The following NHS variants were observed in gnomAD, a reference collection of about 807,000 sequenced individuals.
The protein encoded by NHS is actin remodeling regulator NHS.
Under a neutral mutation model 72.5 loss-of-function variants are expected in NHS, and 5 were observed. The ratio of observed to expected loss-of-function variants is 0.07; its 90% confidence interval spans 0.04 to 0.14. The LOEUF is 0.14. NHS is among the 10% of genes least tolerant of loss of function. The probability of loss-of-function intolerance (pLI) is 1.00; values close to 1 mark genes in which losing one functional copy is unlikely to be tolerated. For synonymous variants in NHS, 464 were observed against 547.7 expected (o/e 0.85, Z 2.13); for missense variants, 1,072 against 1,355.7 (o/e 0.79, Z 3.29).
chrX:17,392,324 C>T (rs1241766033), intron 1 of NHS, among the ~76,000 whole-genome samples: 1 of 111,992 alleles, frequency 8.9e-6, no homozygotes, highest in East Asian at 2.8e-4. Flanking sequence ...ATGTGAGGAA[C>T]AAGTAAACTT....
intron 1 of NHS, among the ~76,000 whole-genome samples, chrX:17,598,311 GC>G (rs2065634355): frequency 8.9e-6 from 1 of 112,200 alleles, no homozygotes; most frequent in East Asian, 2.8e-4. Flanking sequence ...GAATTAACTG[GC>G]CAGGCGCCAA....
intron 1 of NHS, among the ~76,000 whole-genome samples, chrX:17,581,402 G>T (rs192560659): frequency 0.031 from 3,462 of 111,199 alleles, 113 homozygotes; most frequent in African/African-American, 0.078. Context: ...GACTGGAGGT[G>T]GGGGAGCCAA....
intron 1 of NHS, among the ~76,000 whole-genome samples, chrX:17,423,051 G>T (rs1342528502): frequency 1.8e-5 from 2 of 111,936 alleles, no homozygotes; most frequent in African/African-American, 6.5e-5. Flanking sequence ...CCACAGTTTG[G>T]AACCATGCCT....
At chrX:17,491,204 G>A (rs915873221) in intron 1 of NHS, among the ~76,000 whole-genome samples, 5 of 111,326 alleles carry the variant, frequency 4.5e-5, no homozygotes, top group South Asian at 3.8e-4. Context: ...GTCTTGGGCC[G>A]CTTTTCAAAG....
Position 17,677,425 on chromosome X carries a change from G to GAT in NHS, c.566-10304_566-10303dup, listed in dbSNP as rs767814726. On this transcript the variant is annotated intron_variant, in intron 1 of 8. Transcript: ENST00000676302. ...TGTTTTTAAAAGGATGTACCTTGCTGATATATATATATATCAAACACTAGG... is the reference window on the plus strand; with the variant it reads ...TGTTTTTAAAAGGATGTACCTTGCTGATATATATATATATATCAAACACTAGG... 6.1e-3 allele frequency among the ~76,000 whole-genome samples: 674 copies of GAT among 110,169 alleles called. 2 individuals carry two copies. The highest frequency in any genetic ancestry group is 0.02 in the African/African-American group (613 of 30,321).
rs1018326336 is a variant in NHS, at chrX:17,691,034, T to C, written c.719-1301T>C. On this transcript the variant is annotated intron_variant, in intron 2 of 8. Transcript: ENST00000676302. ...GCAGTTTCAGGCTGTAGTGGACTAATGTTCTCCCTACCTCAGCACCAGAAA... is the reference window on the plus strand; with the variant it reads ...GCAGTTTCAGGCTGTAGTGGACTAACGTTCTCCCTACCTCAGCACCAGAAA... Among the ~76,000 whole-genome samples the C allele has an allele frequency of 9.5e-4, 106 of 111,985 alleles. No individual in the cohort carries two copies. The Middle Eastern group carries it at 0.014, about 15-fold the overall frequency.
At chrX:17,502,476 TAAG>T (rs1228065431) in intron 1 of NHS, among the ~76,000 whole-genome samples, 5 of 111,932 alleles carry the variant, frequency 4.5e-5, no homozygotes, top group Non-Finnish European at 9.4e-5. Context: ...CCATTTGACT[TAAG>T]AACAATCTGC....
intron 1 of NHS, among the ~76,000 whole-genome samples, chrX:17,497,921 G>A (rs966718282): frequency 6.3e-5 from 7 of 111,833 alleles, no homozygotes; most frequent in Admixed American, 9.5e-5. Context: ...TGTCCTTATG[G>A]CACATGGGGG....
chrX:17,707,767 GTACT>G (rs2066304775), intron 3 of NHS, among the ~76,000 whole-genome samples: 1 of 73,463 alleles, frequency 1.4e-5, no homozygotes, highest in African/African-American at 4.7e-4. Flanking sequence ...GAGTACAAGA[GTACT>G]ATAAAGACCT....
chrX:17,425,379 C>T (rs1002350461), intron 1 of NHS, among the ~76,000 whole-genome samples: 6 of 109,501 alleles, frequency 5.5e-5, no homozygotes, highest in Non-Finnish European at 1.1e-4. Flanking sequence ...AGGAATTGCT[C>T]CAGACCCTTG....
In NHS at chrX:17,644,772, TA is replaced by T. The variant is rs1182460002; in HGVS notation, c.566-42966del. Among the ~76,000 whole-genome samples, 7 of 111,312 alleles carry T rather than the reference TA, an allele frequency of 6.3e-5. No homozygotes were observed. In the South Asian group the frequency reaches 2.7e-3, roughly 43 times the overall value. ...GCACTATTATCTATGTTATGTAATATAAAATAATCTCTCCTCAATCATTGAG... is the reference window on the plus strand; with the variant it reads ...GCACTATTATCTATGTTATGTAATATAAATAATCTCTCCTCAATCATTGAG... On this transcript the variant is annotated intron_variant, in intron 1 of 8. Transcript: ENST00000676302.
chrX:17,428,693 A>G (rs984910343), intron 1 of NHS, among the ~76,000 whole-genome samples: 1 of 111,969 alleles, frequency 8.9e-6, no homozygotes, highest in African/African-American at 3.2e-5. Flanking sequence ...ATATACCTAC[A>G]TACTGCCAGA....
chrX:17,476,101 G>C (rs1194525331), intron 1 of NHS, among the ~76,000 whole-genome samples: 1 of 112,108 alleles, frequency 8.9e-6, no homozygotes, highest in Non-Finnish European at 1.9e-5. Flanking sequence ...GGCAGAGAAA[G>C]CCTGAGTTTT....
At chrX:17,452,703 T>C (rs748052421) in intron 1 of NHS, among the ~76,000 whole-genome samples, 1 of 111,783 alleles carries the variant, frequency 8.9e-6, no homozygotes, top group South Asian at 3.8e-4. Context: ...TCAAGCCACA[T>C]CATTGGCTGC....
chrX:17,416,819 T>TGTGAGA (rs1445369548), intron 1 of NHS, among the ~76,000 whole-genome samples: 1 of 98,197 alleles, frequency 1.0e-5, no homozygotes, highest in African/African-American at 3.9e-5. Context: ...TGTGTGTGTG[T>TGTGAGA]GAGAGAGAGA....
intron 1 of NHS, among the ~76,000 whole-genome samples, chrX:17,634,742 A>G (rs937137411): frequency 1.8e-5 from 2 of 110,203 alleles, no homozygotes; most frequent in African/African-American, 6.6e-5. Context: ...GTGGGAAGGG[A>G]TCAGAAATTG....
chrX:17,529,582 T>A (rs745679354), intron 1 of NHS, among the ~76,000 whole-genome samples: 29 of 111,310 alleles, frequency 2.6e-4, no homozygotes, highest in Non-Finnish European at 4.9e-4. Context: ...GGAAAAAAAA[T>A]GCTCTCCTTC....
chrX:17,439,298 A>G (rs1325529214), intron 1 of NHS, among the ~76,000 whole-genome samples: 2 of 111,465 alleles, frequency 1.8e-5, no homozygotes, highest in Non-Finnish European at 3.8e-5. Flanking sequence ...TATCATATAT[A>G]TATGAAAAAG....
At chrX:17,568,856 C>T (rs982572781) in intron 1 of NHS, among the ~76,000 whole-genome samples, 1 of 108,450 alleles carries the variant, frequency 9.2e-6, no homozygotes, top group Non-Finnish European at 1.9e-5. Flanking sequence ...TGATGTTCCC[C>T]TCCCTGTGAC....
Sources: allele counts gnomAD v4.1 joint callset (sites outside exome capture counted in the v4.1 genomes callset), GRCh38; gene constraint gnomAD v4.1.1; transcripts MANE v1.5; gene names NCBI Gene and HGNC (gene_info 2026-07-23, HGNC 2026-07-21).